Variants in RUFY3 observed in about 807,000 individuals in gnomAD.
RUFY3 encodes RUN and FYVE domain containing 3.
Under a neutral mutation model 84.0 loss-of-function variants are expected in RUFY3, and 34 were observed. The observed-to-expected ratio is 0.40, with a 90% CI of 0.31 to 0.54. RUFY3 has a LOEUF of 0.54. Ranked by LOEUF, RUFY3 falls within the 20% of genes least tolerant of loss-of-function variation. The probability of loss-of-function intolerance (pLI) is 0.39; values close to 1 mark genes in which losing one functional copy is unlikely to be tolerated. For missense variants in RUFY3, 507 were observed against 736.8 expected (o/e 0.69, Z 3.61); for synonymous variants, 242 against 252.9 (o/e 0.96, Z 0.41).
chr4:70,753,102 T>C (rs1314902200), intron 1 of RUFY3, among the ~76,000 whole-genome samples: 4 of 152,198 alleles, frequency 2.6e-5, no homozygotes, highest in African/African-American at 9.6e-5. Flanking sequence ...TCAGATTTCC[T>C]ATTTCTTCTT....
At chr4:70,755,208 CAT>C (rs1193911879) in intron 1 of RUFY3, among the ~76,000 whole-genome samples, 1 of 152,186 alleles carries the variant, frequency 6.6e-6, no homozygotes, top group Non-Finnish European at 1.5e-5. Flanking sequence ...AGCTTTTACA[CAT>C]CTTTGAAAAG....
intron 12 of RUFY3, among the ~76,000 whole-genome samples, chr4:70,790,911 C>T (rs1730701676): frequency 6.6e-6 from 1 of 152,012 alleles, no homozygotes; most frequent in South Asian, 2.1e-4. Context: ...ATAAATAAAC[C>T]TGAAACCTCT....
chr4:70,779,374 C>G (rs1045200284), intron 8 of RUFY3, among the ~76,000 whole-genome samples: 17 of 152,076 alleles, frequency 1.1e-4, no homozygotes, highest in African/African-American at 4.1e-4. Flanking sequence ...CTCTGAAGAT[C>G]AGATAAGAAT....
chr4:70,783,892 T>TG (rs1729343874), intron 9 of RUFY3, among the ~76,000 whole-genome samples: 1 of 152,216 alleles, frequency 6.6e-6, no homozygotes, highest in South Asian at 2.1e-4. Flanking sequence ...TTTTTACTGA[T>TG]GCTCGGTGTT....
At chr4:70,737,741 A>G (rs955001658) in intron 1 of RUFY3, among the ~76,000 whole-genome samples, 4 of 145,756 alleles carry the variant, frequency 2.7e-5, no homozygotes, top group African/African-American at 1.0e-4. Flanking sequence ...CAGTGGTACC[A>G]TCTCAGCTCA....
In RUFY3 at chr4:70,807,584, A is replaced by C. The variant is rs937462948; in HGVS notation, c.*925A>C. Among the ~76,000 whole-genome samples, 2 of 152,052 alleles carry C rather than the reference A, an allele frequency of 1.3e-5. No individual in the cohort carries two copies. Among genetic ancestry groups the C allele is most frequent in the South Asian group, 2.1e-4 (1 of 4,830 alleles). On this transcript the variant is annotated 3_prime_UTR_variant, in exon 18 of 18. Coordinates refer to ENST00000381006, the MANE Select transcript of RUFY3 (RefSeq NM_001037442.4). ...TGCACAAGCTGGAGGGCAGTAGTGC[A>C]ATCACAGCTCACTGAATCCCTGTTC...
At chr4:70,791,709 T>C in intron 12 of RUFY3, 1 of 1,006,078 alleles carries the variant, frequency 9.9e-7, no homozygotes, top group African/African-American at 1.7e-5. Context: ...GTTCTGCCAT[T>C]GCAGTGTGAT....
At chr4:70,703,966 A>C (rs1247896486), upstream of RUFY3, 6 of 152,242 alleles carry the variant, frequency 3.9e-5, no homozygotes. Context: ...CATGAGAGTA[A>C]CTGGAAATTG....
chr4:70,714,604 T>G (rs550094093), intron 1 of RUFY3, among the ~76,000 whole-genome samples: 1 of 152,286 alleles, frequency 6.6e-6, no homozygotes, highest in South Asian at 2.1e-4. Flanking sequence ...ACAATTGAAG[T>G]GAAACATGAG....
At chr4:70,760,859 TAAC>T (rs1217428895) in intron 1 of RUFY3, among the ~76,000 whole-genome samples, 2 of 152,186 alleles carry the variant, frequency 1.3e-5, no homozygotes, top group Non-Finnish European at 2.9e-5. Context: ...TCAGACAACA[TAAC>T]AACAAACCAA....
intron 6 of RUFY3, 60 bp downstream of exon 6, chr4:70,773,632 G>A (rs28750133): frequency 0.086 from 100,278 of 1,167,828 alleles, 10,328 homozygotes; most frequent in African/African-American, 0.45. Flanking sequence ...TTCCTTTGGT[G>A]GTACTTAAAG....
At chr4:70,750,851 T>C (rs966504865) in intron 1 of RUFY3, among the ~76,000 whole-genome samples, 10 of 152,330 alleles carry the variant, frequency 6.6e-5, no homozygotes, top group African/African-American at 1.9e-4. Flanking sequence ...ATGTGGTCTT[T>C]TGTGTCAGGC....
At chr4:70,737,333 A>G (rs994686621) in intron 1 of RUFY3, among the ~76,000 whole-genome samples, 8 of 152,152 alleles carry the variant, frequency 5.3e-5, no homozygotes, top group Non-Finnish European at 1.5e-5. Flanking sequence ...TAAGATTGCT[A>G]GAATTTGCTT....
rs184726414 is a variant in RUFY3 at position 70,726,661 on chromosome 4, C to T, written c.178+3910C>T. On this transcript the variant is annotated intron_variant, in intron 1 of 17. Transcript: ENST00000381006. ...TGCTGGGATTACAGGCGTGAGCCAC[C>T]GTGCCCCGCCCATTACTCTTTCAGT... 2.0e-3 allele frequency among the ~76,000 whole-genome samples: 298 copies of T among 152,366 alleles called. 1 individual carries two copies. Among genetic ancestry groups the T allele is most frequent in the African/African-American group, 6.8e-3 (284 of 41,592 alleles).
intron 9 of RUFY3, among the ~76,000 whole-genome samples, 165 bp downstream of exon 9, chr4:70,783,348 C>T (rs1185334220): frequency 1.3e-5 from 2 of 152,190 alleles, no homozygotes; most frequent in Admixed American, 6.5e-5. Context: ...GAGGGTTATG[C>T]GCCTTTTTCT....
chr4:70,705,641 CG>C (rs1740223799), intron 1 of RUFY3, among the ~76,000 whole-genome samples: 1 of 152,150 alleles, frequency 6.6e-6, no homozygotes, highest in African/African-American at 2.4e-5. Flanking sequence ...CCCCTCCACC[CG>C]GGGCGCCCTG....
chr4:70,733,087 GAGAGAGA>G (rs1719594498), intron 1 of RUFY3, among the ~76,000 whole-genome samples: 3 of 85,214 alleles, frequency 3.5e-5, no homozygotes, highest in African/African-American at 1.7e-4. Flanking sequence ...GAGAGAGAGA[GAGAGAGA>G]GGAGAGAGAG....
rs749551083 is a variant in RUFY3, at chr4:70,793,879, G to C, written c.1432G>C (p.Glu478Gln). 32 of 1,614,052 alleles carry C rather than the reference G, an allele frequency of 2.0e-5. 1 individual carries two copies. In the South Asian group the frequency reaches 3.4e-4, roughly 17 times the overall value. ...AGACAAGATCAACAGTCTGCAGCTG[G>C]AAGTCGAGGAGCTCACCAGGCAGCG... ...FGDKINSLQL[E>Q]VEELTRQRNQ... Residue 478 changes from glutamate to glutamine, a missense_variant, in exon 13 of 18, where the codon GAA (glutamate) becomes CAA (glutamine). By Grantham distance (29) the Glu-to-Gln change is conservative (BLOSUM62 2). This residue lies in a region of RUFY3 where 334 missense variants were observed against 364.1 expected (regional missense o/e 0.92). Coordinates refer to ENST00000381006, the MANE Select transcript of RUFY3 (RefSeq NM_001037442.4).
intron 1 of RUFY3, among the ~76,000 whole-genome samples, chr4:70,731,759 G>T (rs1194547380): frequency 2.0e-5 from 3 of 152,066 alleles, no homozygotes; most frequent in African/African-American, 7.2e-5. Context: ...GTGCAGACAG[G>T]GTTTTGCCAT....
Sources: gnomAD v4.1 joint callset for allele counts (sites outside exome capture counted in the v4.1 genomes callset) on GRCh38, gnomAD v4.1.1 for gene constraint, gnomAD v4.1.1 regional missense constraint, MANE v1.5 for transcripts, NCBI Gene and HGNC (gene_info 2026-07-23, HGNC 2026-07-21) for gene names.